The following DLG2 variants were observed in gnomAD, a reference collection of about 807,000 sequenced individuals.
DLG2 encodes the protein discs large MAGUK scaffold protein 2.
DLG2 carries 45 observed loss-of-function variants against 132.5 expected under a neutral mutation model. The ratio of observed to expected loss-of-function variants is 0.34; its 90% CI spans 0.27 to 0.44. The LOEUF (loss-of-function observed/expected upper bound fraction) is 0.44, where lower values mean the gene tolerates loss of function less well. DLG2 is among the 20% of genes least tolerant of loss of function. The probability of loss-of-function intolerance (pLI) is 1.00; values close to 1 mark genes in which losing one functional copy is unlikely to be tolerated. For missense variants in DLG2, 1,045 were observed against 1,196.9 expected, an observed-to-expected ratio of 0.87 and a Z score of 1.87; for synonymous variants, 424 against 419.6, an observed-to-expected ratio of 1.01 and a Z score of -0.13.
intron 7 of DLG2, among the ~76,000 whole-genome samples, chr11:84,302,111 C>T (rs530748476): frequency 3.5e-4 from 53 of 152,182 alleles, no homozygotes; most frequent in Admixed American, 2.2e-3. Flanking sequence ...GAAAACCAAA[C>T]GCCACATGTT....
intron 3 of DLG2, among the ~76,000 whole-genome samples, chr11:85,354,719 C>T (rs1005872685): frequency 5.9e-5 from 9 of 151,656 alleles, no homozygotes; most frequent in African/African-American, 1.9e-4. Flanking sequence ...TGATTTCCAA[C>T]GTCACTGTTT....
intron 7 of DLG2, among the ~76,000 whole-genome samples, chr11:84,270,621 T>C (rs892502777): frequency 6.6e-6 from 1 of 152,162 alleles, no homozygotes; most frequent in African/African-American, 2.4e-5. Context: ...GAAAAACCAG[T>C]TGTGATTCAT....
At chr11:85,267,612 C>G (rs1234786097) in intron 4 of DLG2, among the ~76,000 whole-genome samples, 2 of 151,996 alleles carry the variant, frequency 1.3e-5, no homozygotes, top group Non-Finnish European at 2.9e-5. Context: ...AGACAAACAC[C>G]TGTCTATCTG....
intron 7 of DLG2, among the ~76,000 whole-genome samples, chr11:84,267,843 A>C (rs1044850248): frequency 6.6e-6 from 1 of 152,220 alleles, no homozygotes; most frequent in Non-Finnish European, 1.5e-5. Context: ...GTCAACCTGT[A>C]GGTCAGGCCA....
intron 16 of DLG2, among the ~76,000 whole-genome samples, chr11:83,854,462 T>C (rs921749450): frequency 5.3e-5 from 8 of 152,096 alleles, no homozygotes; most frequent in Admixed American, 3.3e-4. Flanking sequence ...AAATTTTCTA[T>C]AAAGCTATAG....
At chr11:85,377,803 A>ATATATG (rs35141583) in intron 3 of DLG2, among the ~76,000 whole-genome samples, 47,054 of 130,786 alleles carry the variant, frequency 0.36, 8,455 homozygotes, top group East Asian at 0.45. Context: ...ATATATATAT[A>ATATATG]TGTGTGTGTG....
chr11:84,860,789 T>C (rs1223151724), intron 6 of DLG2, among the ~76,000 whole-genome samples: 4 of 147,942 alleles, frequency 2.7e-5, no homozygotes, highest in Non-Finnish European at 6.0e-5. Context: ...ACAAAAGATA[T>C]AAGTCAAGCA....
chr11:84,516,857 T>C (rs1317474436), intron 7 of DLG2, among the ~76,000 whole-genome samples: 3 of 150,930 alleles, frequency 2.0e-5, no homozygotes, highest in Non-Finnish European at 4.4e-5. Context: ...AGCAGTACAT[T>C]AAAAAGTTTA....
intron 7 of DLG2, among the ~76,000 whole-genome samples, chr11:84,506,076 G>GTTTTTTTTTTTTTTTTTTTTTTTTTTT (rs559086542): frequency 3.3e-5 from 3 of 91,418 alleles, no homozygotes; most frequent in African/African-American, 2.0e-4. Flanking sequence ...CAGAGGCTCA[G>GTTTTTTTTTTTTTTTTTTTTTTTTTTT]TTCTTTTTTT....
At chr11:85,395,885 C>A (rs1050969523) in intron 3 of DLG2, among the ~76,000 whole-genome samples, 1 of 152,214 alleles carries the variant, frequency 6.6e-6, no homozygotes, top group African/African-American at 2.4e-5. Context: ...TTAAACATCC[C>A]TGTCTGACAG....
chr11:84,534,856 T>C (rs2099351576), intron 6 of DLG2, 125 bp from the exon 7 acceptor site: 15 of 1,110,868 alleles, frequency 1.4e-5, no homozygotes, highest in Non-Finnish European at 1.8e-5. Context: ...CTTCACCAAA[T>C]GGGCTTTGCT....
intron 6 of DLG2, among the ~76,000 whole-genome samples, chr11:84,737,683 T>A (rs1223146606): frequency 1.3e-5 from 2 of 151,974 alleles, no homozygotes; most frequent in Non-Finnish European, 2.9e-5. Flanking sequence ...GGCAGAACAC[T>A]GAAGAGGTGC....
intron 11 of DLG2, among the ~76,000 whole-genome samples, chr11:84,048,962 A>T (rs892279516): frequency 5.3e-5 from 8 of 151,782 alleles, no homozygotes; most frequent in Non-Finnish European, 1.2e-4. Context: ...ATTTTCAATT[A>T]AAATTTTAAT....
chr11:84,031,384 A>C (rs2154091428), intron 11 of DLG2, among the ~76,000 whole-genome samples: 1 of 152,214 alleles, frequency 6.6e-6, no homozygotes, highest in South Asian at 2.1e-4. Flanking sequence ...CATAGTTTTT[A>C]TTTTGCATTT....
At chr11:84,111,954 G>A (rs1190482140) in intron 9 of DLG2, among the ~76,000 whole-genome samples, 1 of 151,540 alleles carries the variant, frequency 6.6e-6, no homozygotes, top group Admixed American at 6.6e-5. Context: ...ATTTTCTATT[G>A]ACCAGGATAT....
chr11:85,529,901 GATTGTAAACC>G (rs1393836241), intron 3 of DLG2, among the ~76,000 whole-genome samples: 2 of 151,778 alleles, frequency 1.3e-5, no homozygotes, highest in African/African-American at 4.8e-5. Flanking sequence ...ATGGCAGGAG[GATTGTAAACC>G]ATTTTCTTTA....
chr11:85,359,889 G>A (rs1325431423), intron 3 of DLG2, among the ~76,000 whole-genome samples: 1 of 152,180 alleles, frequency 6.6e-6, no homozygotes, highest in African/African-American at 2.4e-5. Context: ...GATGAGACAT[G>A]ATCATGTCTA....
At chr11:85,510,504 G>C (rs2094036633) in intron 3 of DLG2, among the ~76,000 whole-genome samples, 1 of 151,566 alleles carries the variant, frequency 6.6e-6, no homozygotes, top group Non-Finnish European at 1.5e-5. Context: ...AATCTACAAT[G>C]AACTCAAACA....
intron 10 of DLG2, among the ~76,000 whole-genome samples, chr11:84,064,071 C>T (rs182430196): frequency 6.6e-6 from 1 of 152,152 alleles, no homozygotes; most frequent in Admixed American, 6.5e-5. Flanking sequence ...GTGTAACAAA[C>T]CTGCATGTTG....
Sources: gnomAD v4.1 joint callset for allele counts (sites outside exome capture counted in the v4.1 genomes callset) on GRCh38, gnomAD v4.1.1 for gene constraint, MANE v1.5 for transcripts, NCBI Gene and HGNC (gene_info 2026-07-23, HGNC 2026-07-21) for gene names.